PDZRN4: variants seen among roughly 807,000 people sequenced by gnomAD.
PDZRN4 encodes the protein PDZ domain-containing RING finger protein 4.
PDZRN4 carries 70 observed loss-of-function variants against 99.0 expected under a neutral mutation model. The observed-to-expected ratio is 0.71, with a 90% CI of 0.58 to 0.86. PDZRN4 has a LOEUF of 0.86. Among genes scored for constraint, PDZRN4 ranks in the 40% least tolerant of loss-of-function variants. PDZRN4 has a pLI of 0.00. For missense variants in PDZRN4, 1,474 were observed against 1,331.2 expected, an observed-to-expected ratio of 1.11 and a Z score of -1.67; for synonymous variants, 551 against 501.6, an observed-to-expected ratio of 1.10 and a Z score of -1.32.
intron 9 of PDZRN4, among the ~76,000 whole-genome samples, chr12:41,570,687 T>A (rs1469844836): frequency 6.6e-6 from 1 of 152,144 alleles, no homozygotes; most frequent in African/African-American, 2.4e-5. Context: ...ATGCCCAGTA[T>A]CAATAACATT....
At chr12:41,516,863 T>C (rs930790334) in intron 5 of PDZRN4, among the ~76,000 whole-genome samples, 2 of 151,992 alleles carry the variant, frequency 1.3e-5, no homozygotes, top group Non-Finnish European at 2.9e-5. Flanking sequence ...AGACAGATAC[T>C]TCATAATCAC....
intron 3 of PDZRN4, among the ~76,000 whole-genome samples, chr12:41,324,349 C>T (rs994980406): frequency 1.3e-5 from 2 of 152,052 alleles, no homozygotes; most frequent in African/African-American, 4.8e-5. Flanking sequence ...AAAGAGATTA[C>T]TGTTTTAATC....
intron 3 of PDZRN4, among the ~76,000 whole-genome samples, chr12:41,245,915 G>A (rs77806609): frequency 0.01 from 1,567 of 152,292 alleles, 77 homozygotes; most frequent in Admixed American, 0.091. Context: ...AGTCCAGTTG[G>A]GTGATAGAAG....
intron 3 of PDZRN4, among the ~76,000 whole-genome samples, chr12:41,505,609 A>G (rs1200859770): frequency 6.6e-6 from 1 of 152,116 alleles, no homozygotes; most frequent in African/African-American, 2.4e-5. Context: ...CAAAAAGAAT[A>G]ATTTTTCTCT....
intron 5 of PDZRN4, among the ~76,000 whole-genome samples, chr12:41,545,545 GTGTGTGTGA>G (rs2120780040): frequency 7.2e-6 from 1 of 138,212 alleles, no homozygotes; most frequent in Non-Finnish European, 1.6e-5. Context: ...GTGTGTGTGT[GTGTGTGTGA>G]CAATGAGAGT....
chr12:41,487,796 C>G (rs141981503), intron 3 of PDZRN4, among the ~76,000 whole-genome samples: 1 of 152,238 alleles, frequency 6.6e-6, no homozygotes, highest in African/African-American at 2.4e-5. Context: ...GCTCAGCCAC[C>G]CTTAATGAGG....
At chr12:41,236,770 T>A (rs553119384) in intron 3 of PDZRN4, among the ~76,000 whole-genome samples, 4 of 152,272 alleles carry the variant, frequency 2.6e-5, no homozygotes. Context: ...CCCACTTTAT[T>A]AGCTCACCAT....
chr12:41,235,832 A>G (rs1220408004), intron 3 of PDZRN4, among the ~76,000 whole-genome samples: 1 of 152,168 alleles, frequency 6.6e-6, no homozygotes, highest in Non-Finnish European at 1.5e-5. Context: ...CACCAAAAAT[A>G]TTTGTTTAAC....
At position 41,209,084 on chromosome 12, in the gene PDZRN4, A is replaced by C. The variant is rs112083103; in HGVS notation, c.843+14896A>C. ...TCTTTGCCCTGTTTGCAAGTAATGC[A>C]TCAAGACTTTGTAAGATAATTTTTT... On this transcript the variant is annotated intron_variant, in intron 3 of 9. Coordinates refer to ENST00000402685, the MANE Select transcript of PDZRN4 (RefSeq NM_001164595.2). 4.0e-3 allele frequency among the ~76,000 whole-genome samples: 607 copies of C among 152,034 alleles called. 5 individuals are homozygous for C. The highest frequency in any genetic ancestry group is 0.014 in the African/African-American group (571 of 41,532).
At chr12:41,463,966 C>T (rs1288321953) in intron 3 of PDZRN4, among the ~76,000 whole-genome samples, 1 of 152,122 alleles carries the variant, frequency 6.6e-6, no homozygotes, top group Non-Finnish European at 1.5e-5. Context: ...AGCTTACCCC[C>T]ACAGGAGGTA....
chr12:41,528,720 T>A (rs999528922), intron 5 of PDZRN4, among the ~76,000 whole-genome samples: 1 of 152,170 alleles, frequency 6.6e-6, no homozygotes, highest in African/African-American at 2.4e-5. Context: ...AGAAAGAAAA[T>A]AACAGTTCTT....
intron 3 of PDZRN4, among the ~76,000 whole-genome samples, chr12:41,286,336 C>CTTTTTTTTTTTTTTTTTTTTTT (rs71081721): frequency 4.7e-5 from 5 of 106,300 alleles, no homozygotes; most frequent in Non-Finnish European, 5.5e-5. Flanking sequence ...CCTTCTTCTT[C>CTTTTTTTTTTTTTTTTTTTTTT]TTTTTTTTTT....
chr12:41,376,172 A>G (rs1465867064), intron 3 of PDZRN4, among the ~76,000 whole-genome samples: 1 of 152,166 alleles, frequency 6.6e-6, no homozygotes, highest in African/African-American at 2.4e-5. Context: ...TATTGTGAAT[A>G]ATGTGAACTG....
Position 41,476,705 on chromosome 12 carries a change from T to C in PDZRN4, c.844-29751T>C, listed in dbSNP as rs188388894. Reference sequence around the variant, plus strand: ...GGTGACACATTGTTGACAGCTCTGATAGTGAAAGGAAATTGACAAGCCTGA... The same window carrying C: ...GGTGACACATTGTTGACAGCTCTGACAGTGAAAGGAAATTGACAAGCCTGA... On this transcript the variant is annotated intron_variant, in intron 3 of 9. Coordinates refer to ENST00000402685, the MANE Select transcript of PDZRN4 (RefSeq NM_001164595.2). Among the ~76,000 whole-genome samples the C allele has an allele frequency of 6.6e-5, 10 of 152,310 alleles. No individual in the cohort carries two copies. In the East Asian group the frequency reaches 1.7e-3, roughly 26 times the overall value.
At chr12:41,551,387 A>G (rs897887779) in intron 5 of PDZRN4, among the ~76,000 whole-genome samples, 1 of 152,128 alleles carries the variant, frequency 6.6e-6, no homozygotes, top group African/African-American at 2.4e-5. Flanking sequence ...TACAAATTGT[A>G]GGGAACACAA....
At chr12:41,379,533 G>T (rs1425085533) in intron 3 of PDZRN4, among the ~76,000 whole-genome samples, 1 of 151,334 alleles carries the variant, frequency 6.6e-6, no homozygotes, top group African/African-American at 2.4e-5. Context: ...CATTTTTGCT[G>T]CATTCCATAA....
intron 3 of PDZRN4, among the ~76,000 whole-genome samples, chr12:41,387,428 C>CA (rs1416765374): frequency 6.6e-6 from 1 of 151,926 alleles, no homozygotes; most frequent in Admixed American, 6.6e-5. Flanking sequence ...TACTAACATA[C>CA]AAAAAAATTA....
chr12:41,354,046 T>C (rs1156930670), intron 3 of PDZRN4, among the ~76,000 whole-genome samples: 3 of 152,050 alleles, frequency 2.0e-5, no homozygotes, highest in Admixed American at 2.0e-4. Flanking sequence ...AATGATCATA[T>C]AGGAGAAGTG....
chr12:41,314,761 T>G (rs1951628021), intron 3 of PDZRN4, among the ~76,000 whole-genome samples: 1 of 152,136 alleles, frequency 6.6e-6, no homozygotes, highest in African/African-American at 2.4e-5. Flanking sequence ...TTGCTTTTGT[T>G]TTTCCCATTC....
Sources: gnomAD v4.1 joint callset for allele counts (sites outside exome capture counted in the v4.1 genomes callset) on GRCh38, gnomAD v4.1.1 for gene constraint, MANE v1.5 for transcripts, NCBI Gene and HGNC (gene_info 2026-07-23, HGNC 2026-07-21) for gene names.